Variants in PI4KA observed in about 807,000 individuals in gnomAD.
The protein encoded by PI4KA is PI4-kinase alpha.
Under a neutral mutation model 271.4 loss-of-function variants are expected in PI4KA, and 122 were observed. That is an observed-to-expected ratio of 0.45 (90% CI 0.39 to 0.52). The LOEUF is 0.52. PI4KA is among the 20% of genes least tolerant of loss of function. The pLI, the probability that PI4KA is intolerant of heterozygous loss-of-function variation, is 0.00. For missense variants in PI4KA, 1,969 were observed against 2,769.1 expected, an observed-to-expected ratio of 0.71 and a Z score of 6.48; for synonymous variants, 1,041 against 1,078.8, an observed-to-expected ratio of 0.96 and a Z score of 0.69.
In PI4KA at chr22:20,822,423, G is replaced by A. The variant is rs117026533; in HGVS notation, c.457-1812C>T. ...CCTGAACTATGTAATCTCTACTAAC[G>A]TAGTTGGTATTTTTTATCTTTCATC... On this transcript the variant is annotated intron_variant, in intron 4 of 54. Transcript: ENST00000255882. Among the ~76,000 whole-genome samples, 358 of 152,254 alleles carry A rather than the reference G, an allele frequency of 2.4e-3. 5 individuals are homozygous for A. In the East Asian group the frequency reaches 0.055, roughly 23 times the overall value.
intron 4 of PI4KA, among the ~76,000 whole-genome samples, chr22:20,823,078 T>A (rs1270196992): frequency 6.6e-6 from 1 of 152,080 alleles, no homozygotes; most frequent in Non-Finnish European, 1.5e-5. Flanking sequence ...CACGCCCGGC[T>A]AATTTTTATA....
At chr22:20,826,905 T>G (rs1923496457) in intron 3 of PI4KA, among the ~76,000 whole-genome samples, 1 of 151,944 alleles carries the variant, frequency 6.6e-6, no homozygotes, top group Non-Finnish European at 1.5e-5. Context: ...GGGGTTTTTT[T>G]TTTGTTTGTA....
At chr22:20,822,606 G>A (rs187390559) in intron 4 of PI4KA, among the ~76,000 whole-genome samples, 6 of 152,274 alleles carry the variant, frequency 3.9e-5, no homozygotes, top group African/African-American at 7.2e-5. Flanking sequence ...CTGCTAGGCC[G>A]ATACCTCACT....
chr22:20,813,573 C>T, intron 7 of PI4KA, 67 bp from the exon 8 acceptor site: 1 of 1,449,104 alleles, frequency 6.9e-7, no homozygotes, highest in Non-Finnish European at 9.6e-7. Context: ...CTCAAGCTGA[C>T]TCCCCCAATA....
chr22:20,828,093 T>A (rs1277667073), intron 3 of PI4KA, among the ~76,000 whole-genome samples: 1 of 151,956 alleles, frequency 6.6e-6, no homozygotes, highest in East Asian at 1.9e-4. Flanking sequence ...TATGCCCGAC[T>A]GGTATTTTAT....
rs112475557 is a variant in PI4KA, at chr22:20,793,869, T to C, written c.2278-626A>G. ...TTCAGTACACACTGATTAGTAAAAA[T>C]TCTGGAAGCACTGGCCTAAGCCGAC... On this transcript the variant is annotated intron_variant, in intron 18 of 54. Coordinates refer to ENST00000255882, the MANE Select transcript of PI4KA (RefSeq NM_058004.4). Among the ~76,000 whole-genome samples, 132 of 152,356 alleles carry C rather than the reference T, an allele frequency of 8.7e-4. 1 individual carries two copies. Among genetic ancestry groups the C allele is most frequent in the Non-Finnish European group, 1.4e-3 (92 of 68,036 alleles).
intron 23 of PI4KA, among the ~76,000 whole-genome samples, chr22:20,754,773 C>T (rs571228749): frequency 3.9e-5 from 6 of 152,256 alleles, no homozygotes; most frequent in African/African-American, 1.2e-4. Flanking sequence ...CATGGTGAAA[C>T]CCCATCTTTA....
chr22:20,756,260 G>A (rs1279716663), intron 23 of PI4KA, among the ~76,000 whole-genome samples: 1 of 151,352 alleles, frequency 6.6e-6, no homozygotes, highest in African/African-American at 2.4e-5. Context: ...CGCCCAGGCT[G>A]GAGCGCAGTG....
In PI4KA at chr22:20,766,557, C is replaced by G. The variant is rs547123925; in HGVS notation, c.2329-864G>C. Among the ~76,000 whole-genome samples the G allele has an allele frequency of 3.3e-5, 5 of 150,898 alleles. No homozygotes were observed. The East Asian group carries it at 7.8e-4, about 23-fold the overall frequency. ...GCAGGCACCTGTAATCCCAGCTACTCGGGAGATTGAGGCAGGAGAACTGCT... is the reference window on the plus strand; with the variant it reads ...GCAGGCACCTGTAATCCCAGCTACTGGGGAGATTGAGGCAGGAGAACTGCT... On this transcript the variant is annotated intron_variant, in intron 19 of 54. Transcript: ENST00000255882.
intron 30 of PI4KA, chr22:20,742,986 G>A (rs982638324): frequency 9.0e-6 from 5 of 552,820 alleles, no homozygotes; most frequent in South Asian, 2.2e-5. Flanking sequence ...CATGTTGGCA[G>A]TGCCACCACT....
intron 32 of PI4KA, among the ~76,000 whole-genome samples, chr22:20,739,735 G>T (rs746388924): frequency 6.6e-6 from 1 of 152,106 alleles, no homozygotes; most frequent in Non-Finnish European, 1.5e-5. Context: ...ATGAAGGTAA[G>T]AGAATCTCAG....
chr22:20,759,047 T>G (rs941729037), intron 23 of PI4KA, among the ~76,000 whole-genome samples: 8 of 152,288 alleles, frequency 5.3e-5, no homozygotes, highest in African/African-American at 1.9e-4. Flanking sequence ...TGGGGCATTT[T>G]TTTGTTTGTT....
intron 3 of PI4KA, among the ~76,000 whole-genome samples, chr22:20,832,351 G>A (rs887390051): frequency 6.6e-6 from 1 of 152,024 alleles, no homozygotes; most frequent in South Asian, 2.1e-4. Flanking sequence ...TCCTGACCTT[G>A]TGATCCACCT....
In PI4KA at chr22:20,714,496, T is replaced by C; in HGVS notation, c.5423A>G (p.Lys1808Arg). The change falls in exon 47 of 55, where the codon AAG (lysine) becomes AGG (arginine). Residue 1808 changes from lysine (K) to arginine (R), a missense_variant. By Grantham distance (26) the Lys-to-Arg change is conservative (BLOSUM62 2). Transcript: ENST00000255882. ...AAKAPYLAKF[K>R]VKRCGVSELE... ...TTCACTAACTCCACATCGCTTCACC[T>C]TGAACTTGGCCAGATATGGGGCTTT... 6.2e-7 allele frequency: 1 copy of C among 1,613,626 alleles called. No homozygotes were observed. The highest frequency in any genetic ancestry group is 8.5e-7 in the Non-Finnish European group (1 of 1,179,638).
At chr22:20,752,567 G>C (rs534853265) in intron 25 of PI4KA, among the ~76,000 whole-genome samples, 7 of 152,194 alleles carry the variant, frequency 4.6e-5, no homozygotes, top group Non-Finnish European at 1.0e-4. Context: ...CAAAGATACT[G>C]ATCCTACCAG....
chr22:20,716,535 C>A (rs1926024671), intron 45 of PI4KA, among the ~76,000 whole-genome samples: 1 of 152,182 alleles, frequency 6.6e-6, no homozygotes, highest in Non-Finnish European at 1.5e-5. Flanking sequence ...GGGGGGCATG[C>A]CATCTCCTCC....
At chr22:20,800,801 G>A (rs1435068462) in intron 14 of PI4KA, among the ~76,000 whole-genome samples, 2 of 150,126 alleles carry the variant, frequency 1.3e-5, no homozygotes, top group East Asian at 2.0e-4. Flanking sequence ...GTGAACCCAG[G>A]AGGCGGAGCT....
rs1372108825 is a variant in PI4KA at position 20,765,706 on chromosome 22, G to A, written c.2329-13C>T. The A allele has an allele frequency of 1.3e-6, 2 of 1,566,458 alleles. No homozygotes were observed. The highest frequency in any genetic ancestry group is 1.7e-5 in the Admixed American group (1 of 59,808). On this transcript the variant is annotated splice_polypyrimidine_tract_variant and intron_variant, in intron 19 of 54. Coordinates refer to ENST00000255882, the MANE Select transcript of PI4KA (RefSeq NM_058004.4). Reference sequence around the variant, plus strand: ...GTCGTCGGGTGAGCTGATGTGCCAAGAAGAGAGGGAGAAAGGAGGTTATTT... The same window carrying A: ...GTCGTCGGGTGAGCTGATGTGCCAAAAAGAGAGGGAGAAAGGAGGTTATTT...
At chr22:20,846,962 A>C (rs1926345749) in intron 1 of PI4KA, among the ~76,000 whole-genome samples, 1 of 151,904 alleles carries the variant, frequency 6.6e-6, no homozygotes, top group African/African-American at 2.4e-5. Context: ...CCTGACCAAC[A>C]TGATGAAACC....
Sources: allele counts gnomAD v4.1 joint callset (sites outside exome capture counted in the v4.1 genomes callset), GRCh38; gene constraint gnomAD v4.1.1; transcripts MANE v1.5; gene names NCBI Gene and HGNC (gene_info 2026-07-23, HGNC 2026-07-21).